Variants in ARHGEF33 observed in about 807,000 individuals in gnomAD.
ARHGEF33 encodes DH and coiled-coil domain-containing protein ENSP00000381780.
A neutral mutation model predicts 101.9 loss-of-function variants in ARHGEF33; 72 were observed. The observed-to-expected ratio is 0.71, with a 90% CI of 0.58 to 0.86. The LOEUF is 0.86. Ranked by LOEUF, ARHGEF33 falls within the 40% of genes least tolerant of loss-of-function variation. The pLI is 0.00. For synonymous variants in ARHGEF33, 499 were observed against 442.5 expected, an observed-to-expected ratio of 1.13 and a Z score of -1.60; for missense variants, 1,169 against 1,111.3, an observed-to-expected ratio of 1.05 and a Z score of -0.74.
chr2:38,893,184 G>A (rs549116310), intron 1 of ARHGEF33, among the ~76,000 whole-genome samples: 12 of 143,792 alleles, frequency 8.3e-5, no homozygotes, highest in Non-Finnish European at 1.2e-4. Flanking sequence ...CTTTTTTTGA[G>A]ACAAGGTCTC....
At chr2:38,926,718 A>G (rs552043502) in intron 4 of ARHGEF33, among the ~76,000 whole-genome samples, 5 of 152,270 alleles carry the variant, frequency 3.3e-5, no homozygotes, top group Admixed American at 3.3e-4. Flanking sequence ...TCCTTTTCCT[A>G]GGAGTCTGCT....
Position 38,959,905 on chromosome 2 carries a change from G to A in ARHGEF33, c.1600G>A (p.Gly534Arg). 8 of 1,551,892 alleles carry A rather than the reference G, an allele frequency of 5.2e-6. No homozygotes were observed. The highest frequency in any genetic ancestry group is 7.0e-6 in the Non-Finnish European group (8 of 1,146,960). The change falls in exon 16 of 18, where the codon GGG (glycine) becomes AGG (arginine). Residue 534 changes from glycine to arginine, a missense_variant. Transcript: ENST00000409978. Reference sequence around the variant, plus strand: ...AAGCCTGATGGAGAGCATGCAGCCCGGGAAGCCCAGTGACTGGGAGCTGGA... The same window carrying A: ...AAGCCTGATGGAGAGCATGCAGCCCAGGAAGCCCAGTGACTGGGAGCTGGA... ...QQSLMESMQP[G>R]KPSDWELEGR...
At chr2:38,958,341 C>A in intron 15 of ARHGEF33, 143 bp downstream of exon 15, 1 of 1,069,398 alleles carries the variant, frequency 9.4e-7, no homozygotes, top group Non-Finnish European at 1.3e-6. Context: ...CAACCCGATT[C>A]TTGGGTCCCA....
chr2:38,955,368 T>A (rs529384360), intron 13 of ARHGEF33, among the ~76,000 whole-genome samples: 2 of 152,220 alleles, frequency 1.3e-5, no homozygotes, highest in South Asian at 4.1e-4. Flanking sequence ...TCTGGTTTAA[T>A]TGCTGACTGA....
intron 4 of ARHGEF33, among the ~76,000 whole-genome samples, chr2:38,922,619 A>G (rs1390445767): frequency 6.6e-6 from 1 of 152,194 alleles, no homozygotes; most frequent in African/African-American, 2.4e-5. Context: ...AGCAGTTACT[A>G]TGTGTAAAGT....
chr2:38,891,769 C>G (rs530520837), intron 1 of ARHGEF33, among the ~76,000 whole-genome samples: 4 of 135,984 alleles, frequency 2.9e-5, no homozygotes, highest in African/African-American at 1.1e-4. Flanking sequence ...CACAGTTTAA[C>G]CAACATGCAT....
chr2:38,892,090 G>A (rs759465583), intron 1 of ARHGEF33, among the ~76,000 whole-genome samples: 2 of 152,102 alleles, frequency 1.3e-5, no homozygotes, highest in Non-Finnish European at 2.9e-5. Context: ...AGAAAAAGTG[G>A]CAGCTAATCG....
chr2:38,928,831 A>T (rs1165429899), intron 4 of ARHGEF33, 76 bp from the exon 5 acceptor site: 7 of 1,361,860 alleles, frequency 5.1e-6, no homozygotes, highest in Non-Finnish European at 6.9e-6. Context: ...CTCAAACAAA[A>T]GAAAAATTCA....
intron 16 of ARHGEF33, among the ~76,000 whole-genome samples, chr2:38,964,112 T>G (rs998417399): frequency 1.3e-5 from 2 of 152,130 alleles, no homozygotes; most frequent in Non-Finnish European, 2.9e-5. Context: ...GTCACTTATG[T>G]CCAATCTACT....
At chr2:38,969,369 A>C (rs1221142059) in intron 17 of ARHGEF33, 1 of 168,582 alleles carries the variant, frequency 5.9e-6, no homozygotes, top group East Asian at 1.9e-4. Context: ...CTGGAGGCTT[A>C]TTCCTGTCTA....
intron 2 of ARHGEF33, among the ~76,000 whole-genome samples, chr2:38,899,467 C>G (rs1457056228): frequency 1.3e-5 from 2 of 151,992 alleles, no homozygotes; most frequent in Non-Finnish European, 1.5e-5. Flanking sequence ...CAGCAAATAC[C>G]ACATGAGCTC....
chr2:38,934,757 GGAGACTTTCCTCT>G (rs1429140193), intron 7 of ARHGEF33, among the ~76,000 whole-genome samples: 8 of 151,422 alleles, frequency 5.3e-5, no homozygotes, highest in Non-Finnish European at 1.0e-4. Context: ...CAGCCTTCAT[GGAGACTTTCCTCT>G]GAGGCAAGCA....
intron 16 of ARHGEF33, among the ~76,000 whole-genome samples, chr2:38,962,638 T>G (rs970252698): frequency 6.6e-6 from 1 of 151,946 alleles, no homozygotes; most frequent in African/African-American, 2.4e-5. Context: ...TCTCTAGCAA[T>G]ATCATTAAAA....
In ARHGEF33 at chr2:38,941,125, GTAATTCATAATATGAATTCA is replaced by G. The variant is rs553007859; in HGVS notation, c.791-2764_791-2745del. Reference sequence around the variant, plus strand: ...CATTTAACTATGCCTACATCTTAGTGTAATTCATAATATGAATTCATAATTCATAATCCTAAACTTTTGGC... The same window carrying G: ...CATTTAACTATGCCTACATCTTAGTGTAATTCATAATCCTAAACTTTTGGC... On this transcript the variant is annotated intron_variant, in intron 9 of 17. Coordinates refer to ENST00000409978, the MANE Select transcript of ARHGEF33 (RefSeq NM_001145451.5). Among the ~76,000 whole-genome samples the G allele has an allele frequency of 3.0e-4, 45 of 152,292 alleles. No homozygotes were observed. In the East Asian group the frequency reaches 4.4e-3, roughly 15 times the overall value.
chr2:38,942,713 G>C (rs530740559), intron 9 of ARHGEF33, among the ~76,000 whole-genome samples: 3 of 151,866 alleles, frequency 2.0e-5, no homozygotes, highest in East Asian at 3.9e-4. Context: ...TTTCTTCAGG[G>C]TCCCCCCTCC....
intron 16 of ARHGEF33, among the ~76,000 whole-genome samples, chr2:38,962,551 T>G (rs1385030957): frequency 6.6e-6 from 1 of 152,054 alleles, no homozygotes; most frequent in Non-Finnish European, 1.5e-5. Context: ...CTCCTAACAG[T>G]GTAAGACATG....
intron 10 of ARHGEF33, among the ~76,000 whole-genome samples, chr2:38,946,133 A>G (rs1165172066): frequency 6.6e-6 from 1 of 152,194 alleles, no homozygotes; most frequent in Non-Finnish European, 1.5e-5. Context: ...TCTGCTACAT[A>G]TGTTGTCTAG....
intron 9 of ARHGEF33, among the ~76,000 whole-genome samples, chr2:38,943,490 A>G (rs529356346): frequency 6.6e-6 from 1 of 151,926 alleles, no homozygotes; most frequent in South Asian, 2.1e-4. Flanking sequence ...GGGCTTCTCT[A>G]GTTTCATTTT....
At chr2:38,952,148 G>T (rs989234552) in intron 11 of ARHGEF33, among the ~76,000 whole-genome samples, 2 of 152,198 alleles carry the variant, frequency 1.3e-5, no homozygotes, top group Non-Finnish European at 2.9e-5. Flanking sequence ...GATTGTGTGG[G>T]CTAATTAAAA....
Sources: gnomAD v4.1 joint callset for allele counts (sites outside exome capture counted in the v4.1 genomes callset) on GRCh38, gnomAD v4.1.1 for gene constraint, MANE v1.5 for transcripts, NCBI Gene and HGNC (gene_info 2026-07-23, HGNC 2026-07-21) for gene names.